ZNF862: variants seen among roughly 807,000 people sequenced by gnomAD.
ZNF862 encodes zinc finger protein 862.
A neutral mutation model predicts 91.1 loss-of-function variants in ZNF862; 64 were observed. The observed-to-expected ratio is 0.70, with a 90% CI of 0.57 to 0.87. The LOEUF (loss-of-function observed/expected upper bound fraction) is 0.87. Among genes scored for constraint, ZNF862 ranks in the 40% least tolerant of loss-of-function variants. The pLI, the probability that ZNF862 is intolerant of heterozygous loss-of-function variation, is 0.00. For missense variants in ZNF862, 1,459 were observed against 1,528.0 expected (o/e 0.95, Z 0.75); for synonymous variants, 631 against 618.1 (o/e 1.02, Z -0.31).
chr7:149,854,666 C>A (rs1260561569), intron 5 of ZNF862, among the ~76,000 whole-genome samples: 1 of 152,218 alleles, frequency 6.6e-6, no homozygotes, highest in Non-Finnish European at 1.5e-5. Flanking sequence ...TGTCTGGAGG[C>A]TCTGAGCTCA....
chr7:149,842,789 A>C (rs1395383400), intron 1 of ZNF862, among the ~76,000 whole-genome samples: 1 of 152,192 alleles, frequency 6.6e-6, no homozygotes, highest in African/African-American at 2.4e-5. Context: ...ATCTGCCTTC[A>C]GCCTAATCTT....
At chr7:149,839,633 A>G (rs1563114045) in intron 1 of ZNF862, among the ~76,000 whole-genome samples, 1 of 152,192 alleles carries the variant, frequency 6.6e-6, no homozygotes, top group Non-Finnish European at 1.5e-5. Context: ...TTGATGCTGT[A>G]GTTTTTCCTG....
chr7:149,859,416 C>T lies in ZNF862; in HGVS notation c.1118-6C>T. 4 of 1,566,034 alleles carry T rather than the reference C, an allele frequency of 2.6e-6. No homozygotes were observed. Among genetic ancestry groups the T allele is most frequent in the Admixed American group, 1.9e-5 (1 of 52,776 alleles). ...ACATCAGCATGATTCTTCATCCTTA[C>T]AACAGGACCTGCCGCTGCCAAGCCA... On this transcript the variant is annotated splice_polypyrimidine_tract_variant and splice_region_variant and intron_variant, in intron 5 of 7. Transcript: ENST00000223210.
At chr7:149,851,904 T>C (rs1586053691) in intron 5 of ZNF862, 1 of 152,094 alleles carries the variant, frequency 6.6e-6, no homozygotes, top group South Asian at 2.1e-4. Flanking sequence ...TTCTAGGGGG[T>C]GGGCCTGGCC....
chr7:149,855,173 C>T lies in ZNF862; in HGVS notation c.1118-4249C>T, dbSNP rs965410653. Among the ~76,000 whole-genome samples, 3 of 152,304 alleles carry T rather than the reference C, an allele frequency of 2.0e-5. No individual in the cohort carries two copies. The highest frequency in any genetic ancestry group is 2.9e-5 in the Non-Finnish European group (2 of 68,030). ...TATACGTATAGACCCAGCAGGAGAG[C>T]GTGCCTGTGAGCTCACAAGCATGCT... On this transcript the variant is annotated intron_variant, in intron 5 of 7. Transcript: ENST00000223210. This position sits in a 1 kb window ranked among gnomAD's most constrained non-coding sequence, Gnocchi z 4.1.
rs1162515276 is a variant in ZNF862 at position 149,866,625 on chromosome 7, C to T, written c.*2341C>T. ...GTGCTCCGAGGACACCGGCCAGTGC[C>T]TTCCTTAGGTGGTGGGAAAGGGGGG... is the stretch of plus-strand genomic sequence containing the variant. On this transcript the variant is annotated 3_prime_UTR_variant, in exon 8 of 8. Coordinates refer to ENST00000223210, the MANE Select transcript of ZNF862 (RefSeq NM_001099220.3). 6.6e-6 allele frequency: 1 copy of T among 152,218 alleles called. No individual in the cohort carries two copies. The highest frequency in any genetic ancestry group is 1.5e-5 in the Non-Finnish European group (1 of 68,070). The allele number at this position is 152,218 out of a possible 1,614,324, so 9.4% of individuals were successfully genotyped here.
chr7:149,852,637 G>A (rs1802106084), intron 5 of ZNF862: 1 of 152,200 alleles, frequency 6.6e-6, no homozygotes, highest in South Asian at 2.1e-4. Context: ...CCAAAGTGTT[G>A]GATTACGGCG....
chr7:149,852,921 G>A (rs944951772), intron 5 of ZNF862, among the ~76,000 whole-genome samples: 3 of 152,172 alleles, frequency 2.0e-5, no homozygotes, highest in Non-Finnish European at 2.9e-5. Context: ...GGGGGAAGGC[G>A]TTGTGTCACT....
chr7:149,842,436 C>T (rs1385237484), intron 1 of ZNF862, among the ~76,000 whole-genome samples: 2 of 152,220 alleles, frequency 1.3e-5, no homozygotes, highest in African/African-American at 4.8e-5. Flanking sequence ...TTGCATTACA[C>T]ATAGGTGAGG....
chr7:149,864,297 C>G lies in ZNF862; in HGVS notation c.*13C>G. ...CGGGATGTCCTGAGGGACAGGGAGT[C>G]CTTGGGACTGCCTTGGAGACGCCTC... On this transcript the variant is annotated 3_prime_UTR_variant, in exon 8 of 8. Coordinates refer to ENST00000223210, the MANE Select transcript of ZNF862 (RefSeq NM_001099220.3). 1 of 1,589,140 alleles carries G rather than the reference C, an allele frequency of 6.3e-7. No homozygotes were observed. Among genetic ancestry groups the G allele is most frequent in the Non-Finnish European group, 8.6e-7 (1 of 1,168,950 alleles).
At position 149,866,900 on chromosome 7, in the gene ZNF862, C is replaced by T. The variant is rs1339523861; in HGVS notation, c.*2616C>T. 1 of 152,154 alleles carries T rather than the reference C, an allele frequency of 6.6e-6. No individual in the cohort carries two copies. Among genetic ancestry groups the T allele is most frequent in the Admixed American group, 6.5e-5 (1 of 15,286 alleles). 9.4% of individuals were successfully genotyped at this position (152,154 alleles called of 1,614,324 possible). On this transcript the variant is annotated 3_prime_UTR_variant, in exon 8 of 8. Transcript: ENST00000223210. The stretch of plus-strand genomic sequence containing the variant: ...TTGGAGAGGCTGGCTGAGTTTCAGC[C>T]CCTAGTGCTGGAGACCCCCTTGTTG...
At chr7:149,847,668 C>G in intron 3 of ZNF862, 67 bp from the exon 4 acceptor site, 1 of 1,098,978 alleles carries the variant, frequency 9.1e-7, no homozygotes, top group Non-Finnish European at 1.3e-6. Flanking sequence ...ACCTCAGAGC[C>G]CCTGTGAGTT....
intron 1 of ZNF862, among the ~76,000 whole-genome samples, chr7:149,839,967 TTCAG>T (rs1159670409): frequency 1.3e-5 from 2 of 152,278 alleles, no homozygotes; most frequent in East Asian, 3.9e-4. Context: ...AGCTATTCTG[TTCAG>T]TCAGAGGCTT....
chr7:149,854,537 A>G (rs1802189199), intron 5 of ZNF862, among the ~76,000 whole-genome samples: 1 of 152,092 alleles, frequency 6.6e-6, no homozygotes, highest in Admixed American at 6.5e-5. Flanking sequence ...GCCCCATTTC[A>G]AAGGACTGCA....
rs1375058088 is a variant in ZNF862 at position 149,866,919 on chromosome 7, C to T, written c.*2635C>T. The T allele has an allele frequency of 6.6e-6, 1 of 152,222 alleles. No homozygotes were observed. Among genetic ancestry groups the T allele is most frequent in the Admixed American group, 6.5e-5 (1 of 15,276 alleles). The allele number at this position is 152,222 out of a possible 1,614,324, so 9.4% of individuals were successfully genotyped here. A position where few individuals can be genotyped will look rare whatever the true frequency, so the allele number is the denominator to read the frequency against. On this transcript the variant is annotated 3_prime_UTR_variant, in exon 8 of 8. Coordinates refer to ENST00000223210, the MANE Select transcript of ZNF862 (RefSeq NM_001099220.3). ...TTCAGCCCCTAGTGCTGGAGACCCCCTTGTTGGAGAGGCTTCCTGTTTATG... is the reference window on the plus strand; with the variant it reads ...TTCAGCCCCTAGTGCTGGAGACCCCTTTGTTGGAGAGGCTTCCTGTTTATG...
At position 149,864,419 on chromosome 7, in the gene ZNF862, C is replaced by T. The variant is rs575406810; in HGVS notation, c.*135C>T. The T allele has an allele frequency of 1.2e-5, 11 of 895,736 alleles. No homozygotes were observed. Among genetic ancestry groups the T allele is most frequent in the Non-Finnish European group, 1.8e-5 (11 of 603,690 alleles). The allele number at this position is 895,736 out of a possible 1,614,324, so 55.5% of individuals were successfully genotyped here. On this transcript the variant is annotated 3_prime_UTR_variant, in exon 8 of 8. Transcript: ENST00000223210. ...AGCACCAGGAAGTGGGCAGTGGCATCCCAGAGCAGCAGGGGTATCAGGAGG... is the reference window on the plus strand; with the variant it reads ...AGCACCAGGAAGTGGGCAGTGGCATTCCAGAGCAGCAGGGGTATCAGGAGG...
Position 149,864,122 on chromosome 7 carries a change from G to A in ZNF862, c.3348G>A (p.Arg1116=). ...PARSPASARL[R]KEEMGALYVE... is the part of the protein sequence containing the mutation. Reference sequence around the variant, plus strand: ...CCTCCCTCACAGGCGCCAGGCTCAGGAAGGAGGAGATGGGAGCCCTCTATG... The same window carrying A: ...CCTCCCTCACAGGCGCCAGGCTCAGAAAGGAGGAGATGGGAGCCCTCTATG... Residue 1116 remains arginine (R), a synonymous_variant, in exon 8 of 8, where the codon AGG becomes AGA. Coordinates refer to ENST00000223210, the MANE Select transcript of ZNF862 (RefSeq NM_001099220.3). The A allele has an allele frequency of 6.3e-7, 1 of 1,584,118 alleles. No individual in the cohort carries two copies. The highest frequency in any genetic ancestry group is 8.6e-7 in the Non-Finnish European group (1 of 1,165,322).
At position 149,860,969 on chromosome 7, in the gene ZNF862, C is replaced by T. The variant is rs1802456604; in HGVS notation, c.1809C>T (p.Ile603=). The part of the protein sequence containing the change: ...YRNRTACTQF[I]KYISETLKRE... ...ATCGCACGGCGTGCACTCAGTTCAT[C>T]AAGTACATCTCAGAGACCCTGAAGA... is the stretch of plus-strand genomic sequence containing the variant. The change falls in exon 7 of 8, where the codon ATC becomes ATT. Residue 603 remains isoleucine, a synonymous_variant. Coordinates refer to ENST00000223210, the MANE Select transcript of ZNF862 (RefSeq NM_001099220.3). 5 of 1,613,604 alleles carry T rather than the reference C, an allele frequency of 3.1e-6. No homozygotes were observed. The East Asian group carries it at 1.1e-4, about 36-fold the overall frequency.
chr7:149,849,295 A>G (rs1321888369), intron 4 of ZNF862, among the ~76,000 whole-genome samples: 2 of 152,218 alleles, frequency 1.3e-5, no homozygotes, highest in Non-Finnish European at 2.9e-5. Context: ...TCTTGTAGTC[A>G]GTGCCAGAAT....
Sources: allele counts gnomAD v4.1 joint callset (sites outside exome capture counted in the v4.1 genomes callset), GRCh38; gene constraint gnomAD v4.1.1; non-coding constraint Gnocchi (gnomAD v3.1); transcripts MANE v1.5; gene names NCBI Gene and HGNC (gene_info 2026-07-23, HGNC 2026-07-21).